The following RAB27A variants were observed in gnomAD, a reference collection of about 807,000 sequenced individuals.
RAB27A encodes the protein RAB27A, member RAS oncogene family, also known as ras-related protein Rab-27A.
Under a neutral mutation model 20.8 loss-of-function variants are expected in RAB27A, and 17 were observed. The ratio of observed to expected loss-of-function variants is 0.82; its 90% CI spans 0.56 to 1.23. The LOEUF (loss-of-function observed/expected upper bound fraction) is 1.23. Among genes scored for constraint, RAB27A ranks in the 50% most tolerant of loss-of-function variants. RAB27A has a pLI of 0.00. For missense variants in RAB27A, 277 were observed against 266.7 expected (o/e 1.04, Z -0.27); for synonymous variants, 85 against 92.8 (o/e 0.92, Z 0.48).
intron 2 of RAB27A, among the ~76,000 whole-genome samples, chr15:55,300,614 G>A (rs2054967729): frequency 6.6e-6 from 1 of 152,168 alleles, no homozygotes. Context: ...GGGAGGTGGA[G>A]GTTGCAGTAA....
At chr15:55,290,451 T>C (rs1460172181), upstream of RAB27A, 1 of 152,244 alleles carries the variant, frequency 6.6e-6, no homozygotes, top group African/African-American at 2.4e-5. Context: ...AAAAAATCAA[T>C]GTAATTCCGG....
chr15:55,253,107 G>C (rs548667616), intron 2 of RAB27A, among the ~76,000 whole-genome samples: 5 of 151,282 alleles, frequency 3.3e-5, no homozygotes, highest in Admixed American at 3.3e-4. Flanking sequence ...ACTCCAGCCT[G>C]GGTGACAGAG....
intron 2 of RAB27A, among the ~76,000 whole-genome samples, chr15:55,313,636 G>C (rs936554987): frequency 1.3e-5 from 2 of 152,142 alleles, no homozygotes; most frequent in African/African-American, 4.8e-5. Context: ...CACTATGGGA[G>C]GCCAAGGCAG....
chr15:55,282,843 T>A (rs904842640), intron 1 of RAB27A, among the ~76,000 whole-genome samples: 3 of 152,190 alleles, frequency 2.0e-5, no homozygotes, highest in Middle Eastern at 6.8e-3. Flanking sequence ...GAACCCCATT[T>A]CGCATGATCC....
intron 2 of RAB27A, among the ~76,000 whole-genome samples, chr15:55,268,215 C>T (rs1228522501): frequency 2.0e-5 from 3 of 151,584 alleles, no homozygotes; most frequent in Non-Finnish European, 4.4e-5. Flanking sequence ...TTTATCAAGG[C>T]TCTTTCCCAC....
intron 6 of RAB27A, among the ~76,000 whole-genome samples, chr15:55,214,095 G>A (rs1051467056): frequency 2.0e-5 from 3 of 152,158 alleles, no homozygotes; most frequent in Admixed American, 6.5e-5. Flanking sequence ...GAGGTGATAA[G>A]GCCTTGCAAC....
chr15:55,231,769 T>C (rs1388606885), intron 3 of RAB27A, among the ~76,000 whole-genome samples: 1 of 152,148 alleles, frequency 6.6e-6, no homozygotes, highest in African/African-American at 2.4e-5. Context: ...TTGTCTTTCT[T>C]TGACCTCACT....
At chr15:55,249,021 T>A (rs756810913) in intron 2 of RAB27A, 1 of 152,216 alleles carries the variant, frequency 6.6e-6, no homozygotes, top group South Asian at 2.1e-4. Context: ...TCACCTATTA[T>A]TCAGTATGCA....
chr15:55,309,972 C>G (rs2141145897), intron 2 of RAB27A, among the ~76,000 whole-genome samples: 1 of 152,086 alleles, frequency 6.6e-6, no homozygotes, highest in Admixed American at 6.6e-5. Flanking sequence ...TTAACTCGAA[C>G]AGGACGGGCA....
intron 2 of RAB27A, among the ~76,000 whole-genome samples, chr15:55,308,884 T>C (rs2055008796): frequency 6.6e-6 from 1 of 152,236 alleles, no homozygotes; most frequent in South Asian, 2.1e-4. Flanking sequence ...CTGCTGCCAC[T>C]ACCCATAAAC....
At chr15:55,315,476 C>G (rs2055038978) in intron 1 of RAB27A, among the ~76,000 whole-genome samples, 1 of 152,124 alleles carries the variant, frequency 6.6e-6, no homozygotes, top group Admixed American at 6.5e-5. Context: ...AGGCAACCTA[C>G]AGAATGGGAG....
upstream of RAB27A, among the ~76,000 whole-genome samples, chr15:55,293,880 G>A (rs547641229): frequency 6.6e-6 from 1 of 152,138 alleles, no homozygotes; most frequent in South Asian, 2.1e-4. Flanking sequence ...TCGTGCAACT[G>A]CACTCCAGCT....
At chr15:55,227,245 G>A (rs1895844034) in intron 5 of RAB27A, among the ~76,000 whole-genome samples, 1 of 152,148 alleles carries the variant, frequency 6.6e-6, no homozygotes, top group African/African-American at 2.4e-5. Flanking sequence ...CAGAGTTTTA[G>A]TGTCTACCTA....
chr15:55,239,482 T>C (rs1440021383), intron 2 of RAB27A, among the ~76,000 whole-genome samples: 2 of 152,164 alleles, frequency 1.3e-5, no homozygotes, highest in African/African-American at 4.8e-5. Flanking sequence ...TTATATACTG[T>C]ATAATCACAC....
intron 2 of RAB27A, among the ~76,000 whole-genome samples, chr15:55,240,028 C>G (rs1419082606): frequency 2.0e-5 from 3 of 152,110 alleles, no homozygotes; most frequent in African/African-American, 7.2e-5. Flanking sequence ...TTTCTCATCA[C>G]TACTTATCAC....
intron 4 of RAB27A, among the ~76,000 whole-genome samples, chr15:55,229,922 A>C (rs997299690): frequency 1.3e-5 from 2 of 152,182 alleles, no homozygotes; most frequent in Non-Finnish European, 2.9e-5. Flanking sequence ...AAAGTTAAAA[A>C]ACAAAATCCT....
intron 2 of RAB27A, among the ~76,000 whole-genome samples, chr15:55,302,174 C>G (rs1426765149): frequency 9.2e-6 from 1 of 108,194 alleles, no homozygotes; most frequent in African/African-American, 6.1e-5. Context: ...GAGACTCTGT[C>G]TCAAAAAAAA....
chr15:55,282,715 G>A (rs1232778035), intron 1 of RAB27A, among the ~76,000 whole-genome samples: 4 of 152,012 alleles, frequency 2.6e-5, no homozygotes, highest in East Asian at 1.9e-4. Flanking sequence ...TGTGGCTTTC[G>A]CTCATGTGGA....
At chr15:55,286,373 G>T (rs894131769) in intron 1 of RAB27A, among the ~76,000 whole-genome samples, 1 of 152,152 alleles carries the variant, frequency 6.6e-6, no homozygotes, top group Non-Finnish European at 1.5e-5. Flanking sequence ...AAAGACAAAT[G>T]TTGTGTGTGT....
Sources: gnomAD v4.1 joint callset for allele counts (sites outside exome capture counted in the v4.1 genomes callset) on GRCh38, gnomAD v4.1.1 for gene constraint, MANE v1.5 for transcripts, NCBI Gene and HGNC (gene_info 2026-07-23, HGNC 2026-07-21) for gene names.